The following ADCY2 variants were observed in gnomAD, a reference collection of about 807,000 sequenced individuals.
ADCY2 encodes adenylate cyclase 2, also known as adenylate cyclase type 2.
Under a neutral mutation model 125.2 loss-of-function variants are expected in ADCY2, and 31 were observed. The observed-to-expected ratio is 0.25, with a 90% CI of 0.19 to 0.33. ADCY2 has a LOEUF of 0.33. ADCY2 is among the 10% of genes least tolerant of loss of function. ADCY2 has a pLI of 1.00. For missense variants in ADCY2, 904 were observed against 1,418.2 expected (o/e 0.64, Z 5.82); for synonymous variants, 512 against 548.4 (o/e 0.93, Z 0.93).
At position 7,631,217 on chromosome 5, in the gene ADCY2, T is replaced by C. The variant is rs893677048; in HGVS notation, c.720+4901T>C. On this transcript the variant is annotated intron_variant, in intron 4 of 24. Transcript: ENST00000338316. Reference sequence around the variant, plus strand: ...GGGCTAATCCAAGATAAACTCACCATCTCAAGATCTTTAATTTAATCACAT... The same window carrying C: ...GGGCTAATCCAAGATAAACTCACCACCTCAAGATCTTTAATTTAATCACAT... 3.9e-4 allele frequency among the ~76,000 whole-genome samples: 60 copies of C among 152,198 alleles called. 4 individuals carry two copies. The highest frequency in any genetic ancestry group is 2.2e-4 in the Non-Finnish European group (15 of 68,034).
chr5:7,571,389 A>C (rs1404183148), intron 3 of ADCY2, among the ~76,000 whole-genome samples: 1 of 152,160 alleles, frequency 6.6e-6, no homozygotes, highest in African/African-American at 2.4e-5. Context: ...TTTCAGCTCA[A>C]GCGAAGGGAG....
chr5:7,715,729 G>A (rs1341840224), intron 11 of ADCY2, among the ~76,000 whole-genome samples: 1 of 152,020 alleles, frequency 6.6e-6, no homozygotes, highest in African/African-American at 2.4e-5. Context: ...AGAAGACAGG[G>A]CCCGAAGGCA....
chr5:7,755,566 T>G (rs1742967094), intron 15 of ADCY2, among the ~76,000 whole-genome samples: 1 of 152,232 alleles, frequency 6.6e-6, no homozygotes. Flanking sequence ...TAAGTCCTGT[T>G]GCACGCACCT....
At position 7,686,917 on chromosome 5, in the gene ADCY2, G is replaced by A. The variant is rs190470122; in HGVS notation, c.721-3774G>A. 1.1e-3 allele frequency among the ~76,000 whole-genome samples: 170 copies of A among 152,124 alleles called. 1 individual carries two copies. The highest frequency in any genetic ancestry group is 4.0e-3 in the African/African-American group (165 of 41,496). Reference sequence around the variant, plus strand: ...GCTTTTTTTGGAAACTCATTCAATTGCCCAGCACTGTGATCACCTAGAGGG... The same window carrying A: ...GCTTTTTTTGGAAACTCATTCAATTACCCAGCACTGTGATCACCTAGAGGG... On this transcript the variant is annotated intron_variant, in intron 4 of 24. Transcript: ENST00000338316.
intron 15 of ADCY2, among the ~76,000 whole-genome samples, chr5:7,746,984 A>ATAT (rs2126439751): frequency 2.8e-4 from 1 of 3,620 alleles, no homozygotes; most frequent in Non-Finnish European, 8.7e-4. Context: ...AAAAATGGTG[A>ATAT]TGATGAATTG....
At chr5:7,743,884 A>G in intron 15 of ADCY2, 132 bp downstream of exon 15, 6 of 779,422 alleles carry the variant, frequency 7.7e-6, no homozygotes, top group Non-Finnish European at 1.3e-5. Context: ...CAGTTAAGGA[A>G]ACACACACCC....
chr5:7,707,485 A>G (rs1263521935), intron 8 of ADCY2, among the ~76,000 whole-genome samples: 1 of 152,198 alleles, frequency 6.6e-6, no homozygotes, highest in Admixed American at 6.5e-5. Flanking sequence ...CACACCCACC[A>G]TGCAGGTTTC....
chr5:7,645,592 T>A (rs1738866464), intron 4 of ADCY2, among the ~76,000 whole-genome samples: 1 of 152,210 alleles, frequency 6.6e-6, no homozygotes. Context: ...AACAAATTCC[T>A]AATCAAATAC....
intron 3 of ADCY2, among the ~76,000 whole-genome samples, chr5:7,615,190 C>A (rs1737711321): frequency 6.6e-6 from 1 of 152,292 alleles, no homozygotes; most frequent in South Asian, 2.1e-4. Context: ...CTCCCACCAG[C>A]CCCCTCCTTC....
At chr5:7,666,158 A>G (rs1469482627) in intron 4 of ADCY2, among the ~76,000 whole-genome samples, 6 of 151,154 alleles carry the variant, frequency 4.0e-5, no homozygotes, top group African/African-American at 1.2e-4. Context: ...TCTTAGGAAA[A>G]AAAGTCTTTA....
chr5:7,490,005 A>G (rs1340461141), intron 2 of ADCY2, among the ~76,000 whole-genome samples: 2 of 151,842 alleles, frequency 1.3e-5, no homozygotes, highest in South Asian at 2.1e-4. Flanking sequence ...CAGACTTAAC[A>G]TTTCATTTAA....
At chr5:7,660,904 T>C (rs1739506610) in intron 4 of ADCY2, among the ~76,000 whole-genome samples, 1 of 152,118 alleles carries the variant, frequency 6.6e-6, no homozygotes. Flanking sequence ...CAGGGAAGGG[T>C]AGCTATGGGA....
At chr5:7,521,436 T>C (rs750688685) in intron 3 of ADCY2, among the ~76,000 whole-genome samples, 3 of 152,198 alleles carry the variant, frequency 2.0e-5, no homozygotes, top group Non-Finnish European at 4.4e-5. Flanking sequence ...AAGAAGCCAT[T>C]CTATTTAATT....
intron 3 of ADCY2, among the ~76,000 whole-genome samples, chr5:7,544,606 G>A (rs768770460): frequency 2.0e-5 from 3 of 152,120 alleles, no homozygotes; most frequent in African/African-American, 4.8e-5. Context: ...TTTTGCCATG[G>A]AAGGCAGCAT....
chr5:7,701,590 C>A (rs1374754004), intron 7 of ADCY2, among the ~76,000 whole-genome samples: 5 of 152,188 alleles, frequency 3.3e-5, no homozygotes, highest in African/African-American at 1.2e-4. Flanking sequence ...CCACTGTCAA[C>A]TTCCAGAACC....
intron 15 of ADCY2, among the ~76,000 whole-genome samples, chr5:7,744,660 T>A (rs1268878916): frequency 6.6e-6 from 1 of 152,250 alleles, no homozygotes; most frequent in Non-Finnish European, 1.5e-5. Context: ...TTCGTTTTGT[T>A]CAATGGAGAT....
intron 2 of ADCY2, among the ~76,000 whole-genome samples, chr5:7,469,626 A>G (rs750294569): frequency 4.0e-5 from 6 of 151,598 alleles, no homozygotes; most frequent in Non-Finnish European, 7.4e-5. Flanking sequence ...GTTTTATTTC[A>G]TTTATCCTAT....
chr5:7,609,062 T>C (rs1371473168), intron 3 of ADCY2, among the ~76,000 whole-genome samples: 2 of 152,196 alleles, frequency 1.3e-5, no homozygotes, highest in Non-Finnish European at 2.9e-5. Context: ...ATCTGGCCAG[T>C]CTGGGAAGGT....
chr5:7,599,103 C>T (rs1737111792), intron 3 of ADCY2, among the ~76,000 whole-genome samples: 1 of 151,882 alleles, frequency 6.6e-6, no homozygotes, highest in Admixed American at 6.6e-5. Flanking sequence ...TGTGCAGGGA[C>T]AGCCCCCGGG....
Sources: gnomAD v4.1 joint callset for allele counts (sites outside exome capture counted in the v4.1 genomes callset) on GRCh38, gnomAD v4.1.1 for gene constraint, MANE v1.5 for transcripts, NCBI Gene and HGNC (gene_info 2026-07-23, HGNC 2026-07-21) for gene names.